Variants in METTL15 observed in about 807,000 individuals in gnomAD.
METTL15 encodes 12S rRNA N(4)-cytidine methyltransferase METTL15.
METTL15 carries 34 observed loss-of-function variants against 38.3 expected under a neutral mutation model. The ratio of observed to expected loss-of-function variants is 0.89; its 90% CI spans 0.68 to 1.18. METTL15 has a LOEUF of 1.18. METTL15 is among the 50% of genes most tolerant of loss of function. The pLI is 0.00. For synonymous variants in METTL15, 162 were observed against 170.9 expected, an observed-to-expected ratio of 0.95 and a Z score of 0.41; for missense variants, 438 against 498.4, an observed-to-expected ratio of 0.88 and a Z score of 1.15.
At chr11:28,433,254 C>G (rs1349700527) in intron 6 of METTL15, among the ~76,000 whole-genome samples, 2 of 147,480 alleles carry the variant, frequency 1.4e-5, no homozygotes, top group Non-Finnish European at 3.0e-5. Context: ...TTACTTTCTT[C>G]TCATTTCTTC....
At chr11:28,352,877 T>C (rs913466388) in intron 4 of METTL15, among the ~76,000 whole-genome samples, 3 of 152,328 alleles carry the variant, frequency 2.0e-5, no homozygotes, top group African/African-American at 7.2e-5. Context: ...CATCAAAATA[T>C]ATATTCATAG....
At chr11:28,267,217 C>T (rs958115902) in intron 4 of METTL15, among the ~76,000 whole-genome samples, 1 of 151,528 alleles carries the variant, frequency 6.6e-6, no homozygotes, top group African/African-American at 2.4e-5. Context: ...CTAGGGCCCT[C>T]CAGTGTCTAG....
At chr11:28,162,563 G>T (rs1352888363) in intron 3 of METTL15, among the ~76,000 whole-genome samples, 1 of 151,996 alleles carries the variant, frequency 6.6e-6, no homozygotes, top group Non-Finnish European at 1.5e-5. Flanking sequence ...TGATGATGAG[G>T]TTACATCCTT....
intron 3 of METTL15, among the ~76,000 whole-genome samples, chr11:28,166,729 C>T (rs532103795): frequency 6.6e-6 from 1 of 152,250 alleles, no homozygotes; most frequent in Admixed American, 6.5e-5. Context: ...GTGGGCAGAT[C>T]ACCTGAGGTC....
At chr11:28,258,391 AT>A (rs1855059212) in intron 4 of METTL15, among the ~76,000 whole-genome samples, 1 of 152,048 alleles carries the variant, frequency 6.6e-6, no homozygotes, top group Non-Finnish European at 1.5e-5. Context: ...TCTACTGCCT[AT>A]GTTCACTTCA....
At chr11:28,352,732 C>A (rs1285901078) in intron 4 of METTL15, among the ~76,000 whole-genome samples, 3 of 152,070 alleles carry the variant, frequency 2.0e-5, no homozygotes, top group Admixed American at 2.0e-4. Flanking sequence ...CCCCAAGGGT[C>A]ATGGATGTAT....
chr11:28,159,310 A>G (rs10835278), intron 3 of METTL15, among the ~76,000 whole-genome samples: 22,009 of 152,072 alleles, frequency 0.14, 1,783 homozygotes, highest in East Asian at 0.28. Flanking sequence ...CATGGAATAC[A>G]GGAGATCCAT....
chr11:28,273,200 AT>A (rs1185455488), intron 4 of METTL15, among the ~76,000 whole-genome samples: 1 of 152,182 alleles, frequency 6.6e-6, no homozygotes, highest in African/African-American at 2.4e-5. Context: ...ACATAGAAGT[AT>A]TCAGAAAATG....
chr11:28,388,286 G>T (rs551711572), intron 5 of METTL15, among the ~76,000 whole-genome samples: 63 of 152,116 alleles, frequency 4.1e-4, no homozygotes, highest in Non-Finnish European at 5.4e-4. Context: ...ATTTACAAAT[G>T]ATATAATCTT....
chr11:28,293,270 A>T (rs1471495982), intron 5 of METTL15, among the ~76,000 whole-genome samples: 1 of 152,230 alleles, frequency 6.6e-6, no homozygotes, highest in Non-Finnish European at 1.5e-5. Context: ...AGCTTTCTAC[A>T]TATGGCTAGC....
chr11:28,149,783 G>A (rs1850015905), intron 3 of METTL15, among the ~76,000 whole-genome samples: 1 of 151,676 alleles, frequency 6.6e-6, no homozygotes, highest in Non-Finnish European at 1.5e-5. Context: ...ATACAAAAAG[G>A]CCTATATAAA....
chr11:28,127,638 C>T (rs1391965100), intron 3 of METTL15, among the ~76,000 whole-genome samples: 2 of 152,004 alleles, frequency 1.3e-5, no homozygotes, highest in Non-Finnish European at 2.9e-5. Context: ...TATTTTATTT[C>T]ATTTAGAAAC....
chr11:28,363,337 C>G (rs954395780), intron 5 of METTL15, among the ~76,000 whole-genome samples: 2 of 151,992 alleles, frequency 1.3e-5, no homozygotes, highest in Admixed American at 6.6e-5. Context: ...CCAGGCCCAG[C>G]TAATTTTTTG....
chr11:28,326,076 A>G (rs548078032), intron 6 of METTL15, among the ~76,000 whole-genome samples: 1 of 152,304 alleles, frequency 6.6e-6, no homozygotes, highest in East Asian at 1.9e-4. Context: ...AATTAGCCAT[A>G]TTAGACTCTG....
chr11:28,169,211 GAAATATGAATTCTGTATTC>G (rs1472038983), intron 3 of METTL15, among the ~76,000 whole-genome samples: 4 of 152,126 alleles, frequency 2.6e-5, no homozygotes, highest in African/African-American at 9.7e-5. Flanking sequence ...ATTTGACAGA[GAAATATGAATTCTGTATTC>G]AAAAAACTAG....
chr11:28,174,730 G>A (rs1850988897), intron 3 of METTL15, among the ~76,000 whole-genome samples: 1 of 150,888 alleles, frequency 6.6e-6, no homozygotes, highest in Admixed American at 6.6e-5. Flanking sequence ...CGGGAGAATG[G>A]TATGAAGCCG....
At chr11:28,182,839 C>G (rs913077193) in intron 3 of METTL15, among the ~76,000 whole-genome samples, 5 of 151,988 alleles carry the variant, frequency 3.3e-5, no homozygotes, top group African/African-American at 1.2e-4. Context: ...CTATAAATTA[C>G]TTTGGGGAGT....
At chr11:28,271,498 A>G (rs1399184577) in intron 4 of METTL15, among the ~76,000 whole-genome samples, 2 of 152,254 alleles carry the variant, frequency 1.3e-5, no homozygotes, top group Admixed American at 1.3e-4. Context: ...CTGTCTTATA[A>G]TACCTGCTAG....
intron 4 of METTL15, among the ~76,000 whole-genome samples, chr11:28,267,969 G>A (rs994601705): frequency 3.3e-5 from 5 of 151,796 alleles, no homozygotes; most frequent in South Asian, 2.1e-4. Context: ...AGGCCGAGGC[G>A]GGTGGATCAC....
Sources: allele counts gnomAD v4.1 joint callset (sites outside exome capture counted in the v4.1 genomes callset), GRCh38; gene constraint gnomAD v4.1.1; transcripts MANE v1.5; gene names NCBI Gene and HGNC (gene_info 2026-07-23, HGNC 2026-07-21).